The following GAREM2 variants were observed in gnomAD, a reference collection of about 807,000 sequenced individuals.
The protein encoded by GAREM2 is GRB2 associated regulator of MAPK1 subtype 2.
In GAREM2, 30 loss-of-function variants were observed where a neutral mutation model predicts 55.6. That is an observed-to-expected ratio of 0.54 (90% CI 0.40 to 0.73). The LOEUF is 0.73. Ranked by LOEUF, GAREM2 falls within the 30% of genes least tolerant of loss-of-function variation. The probability of loss-of-function intolerance (pLI) is 0.00; values close to 1 mark genes in which losing one functional copy is unlikely to be tolerated. For missense variants in GAREM2, 1,075 were observed against 1,257.7 expected, an observed-to-expected ratio of 0.85 and a Z score of 2.20; for synonymous variants, 550 against 569.1, an observed-to-expected ratio of 0.97 and a Z score of 0.48.
In GAREM2 at chr2:26,184,797, C is replaced by G; in HGVS notation, c.949C>G (p.Leu317Val). Reference sequence around the variant, plus strand: ...GGGCCCGGCGCCGCTGCACTTCCTGCTGCTCACGGACACGCCGCGCTTCGC... The same window carrying G: ...GGGCCCGGCGCCGCTGCACTTCCTGGTGCTCACGGACACGCCGCGCTTCGC... ...REGPAPLHFLLLTDTPRFALP... is the reference protein window; with the variant it reads ...REGPAPLHFLVLTDTPRFALP... Residue 317 changes from leucine (L) to valine (V), a missense_variant, in exon 4 of 6, where the codon CTG (leucine) becomes GTG (valine). Leu to Val is a conservative substitution (Grantham distance 32). This residue lies in a region of GAREM2 where 170 missense variants were observed against 220.7 expected (regional missense o/e 0.77). Transcript: ENST00000401533. 1 of 1,498,496 alleles carries G rather than the reference C, an allele frequency of 6.7e-7. No homozygotes were observed. Among genetic ancestry groups the G allele is most frequent in the Non-Finnish European group, 8.8e-7 (1 of 1,131,142 alleles). The allele number at this position is 1,498,496 out of a possible 1,614,324, so 92.8% of individuals were successfully genotyped here.
At chr2:26,190,439 A>T (rs1669457657), downstream of GAREM2, among the ~76,000 whole-genome samples, 2 of 151,800 alleles carry the variant, frequency 1.3e-5, no homozygotes, top group African/African-American at 2.4e-5. Context: ...GGGGGTCAGC[A>T]CTCCTCATGC....
rs1558308677 is a variant in GAREM2, at chr2:26,185,183, C to T, written c.1335C>T (p.Pro445=). ...GGCCCGAGGGCCTCGTCCGGCCGCC[C>T]CCAGGGCTCGATCTCATCTCCTTCG... ...HQGPEGLVRP[P]PGLDLISFGA... is the part of the protein sequence containing the mutation. Residue 445 remains proline (P), a synonymous_variant, in exon 4 of 6, where the codon CCC becomes CCT. Transcript: ENST00000401533. 2 of 1,511,070 alleles carry T rather than the reference C, an allele frequency of 1.3e-6. No individual in the cohort carries two copies. The allele number at this position is 1,511,070 out of a possible 1,614,324, so 93.6% of individuals were successfully genotyped here.
At position 26,187,297 on chromosome 2, in the gene GAREM2, C is replaced by T; in HGVS notation, c.1665C>T (p.Cys555=). Residue 555 remains cysteine (C), a synonymous_variant, in exon 6 of 6, where the codon TGC becomes TGT. Coordinates refer to ENST00000401533, the MANE Select transcript of GAREM2 (RefSeq NM_001168241.2). ...PDTYSLYCYP[C]TWGDCKVGES... ...CCTACTCCCTCTATTGCTACCCATG[C>T]ACCTGGGGAGACTGCAAGGTGGGCG... 2 of 1,506,490 alleles carry T rather than the reference C, an allele frequency of 1.3e-6. No individual in the cohort carries two copies. Among genetic ancestry groups the T allele is most frequent in the Non-Finnish European group, 8.9e-7 (1 of 1,124,714 alleles). The allele number at this position is 1,506,490 out of a possible 1,614,324, so 93.3% of individuals were successfully genotyped here.
chr2:26,191,417 C>A, downstream of GAREM2: 1 of 1,614,148 alleles, frequency 6.2e-7, no homozygotes, highest in Non-Finnish European at 8.5e-7. Context: ...AAGAGGACTT[C>A]GTTGAAGGAG....
the GAREM2 span, chr2:26,201,092 ATC>A: frequency 1.3e-5 from 18 of 1,337,108 alleles, no homozygotes; most frequent in South Asian, 1.4e-4. Context: ...TAAAAAAAAA[ATC>A]TCTGTGTTTT....
At chr2:26,194,755 G>T in the GAREM2 span, 2 of 769,396 alleles carry the variant, frequency 2.6e-6, no homozygotes, top group Non-Finnish European at 4.7e-6. Context: ...AACTTAAGGT[G>T]ACTTAAAATC....
intron 2 of GAREM2, 60 bp from the exon 3 acceptor site, chr2:26,182,907 C>A: frequency 6.5e-7 from 1 of 1,536,416 alleles, no homozygotes; most frequent in Non-Finnish European, 8.8e-7. Context: ...GCTCTTGGGA[C>A]GCAGGCTAGA....
intron 3 of GAREM2, 57 bp from the exon 4 acceptor site, chr2:26,184,176 C>A: frequency 2.6e-6 from 4 of 1,536,708 alleles, no homozygotes; most frequent in Non-Finnish European, 3.5e-6. Context: ...TGGGAGCTGG[C>A]CGTGTGGCTT....
the GAREM2 span, chr2:26,195,057 C>A: frequency 1.3e-6 from 2 of 1,588,662 alleles, no homozygotes; most frequent in African/African-American, 2.7e-5. Flanking sequence ...TAGAACTTTT[C>A]AAAAACTCTG....
rs1669079351 is a variant in GAREM2, at chr2:26,182,395, C to T, written c.254-572C>T. ...GAACAGAGCTGGGGTCAGAGTGGTT[C>T]TCCCAGGGCCTTCAAGGGCTGGGCC... On this transcript the variant is annotated intron_variant, in intron 2 of 5. Transcript: ENST00000401533. 3.2e-6 allele frequency: 5 copies of T among 1,547,344 alleles called. No homozygotes were observed. The African/African-American group carries it at 5.5e-5, about 17-fold the overall frequency.
downstream of GAREM2, chr2:26,193,544 T>G (rs766881788): frequency 8.5e-6 from 13 of 1,524,496 alleles, no homozygotes; most frequent in African/African-American, 1.6e-4. Flanking sequence ...TTGTAACTAA[T>G]GGTGCTAGTT....
the GAREM2 span, among the ~76,000 whole-genome samples, chr2:26,199,637 C>T: frequency 6.6e-6 from 1 of 152,194 alleles, no homozygotes; most frequent in Non-Finnish European, 1.5e-5. Flanking sequence ...TTTTTATCAA[C>T]ACAATGCAGC....
At chr2:26,192,219 T>TA (rs34898931), downstream of GAREM2, 39,074 of 637,152 alleles carry the variant, frequency 0.061, 395 homozygotes, top group African/African-American at 0.15. Flanking sequence ...CTTAAAGTAT[T>TA]AAAAAAAAAA....
chr2:26,189,331 G>C lies in GAREM2; in HGVS notation c.*1074G>C, dbSNP rs1262472259. 1.3e-5 allele frequency: 2 copies of C among 152,138 alleles called. No individual in the cohort carries two copies. The highest frequency in any genetic ancestry group is 4.8e-5 in the African/African-American group (2 of 41,416). The allele number at this position is 152,138 out of a possible 1,614,324, so 9.4% of individuals were successfully genotyped here. A position where few individuals can be genotyped will look rare whatever the true frequency, so the allele number is the denominator to read the frequency against. ...GATCTGCTTGGTACCCAGAGCTCTG[G>C]TCATTGTGTCCAACCACACACCCCA... On this transcript the variant is annotated 3_prime_UTR_variant, in exon 6 of 6. Transcript: ENST00000401533.
At chr2:26,173,714 C>CTT (rs1668773337) in intron 1 of GAREM2, among the ~76,000 whole-genome samples, 1 of 150,744 alleles carries the variant, frequency 6.6e-6, no homozygotes, top group Non-Finnish European at 1.5e-5. Flanking sequence ...TCACCTCTGT[C>CTT]TTCCCTCATC....
chr2:26,173,425 A>T (rs1574582397), intron 1 of GAREM2, 93 bp downstream of exon 1: 18 of 592,194 alleles, frequency 3.0e-5, no homozygotes, highest in Non-Finnish European at 4.1e-5. Context: ...AGGGTGCGGC[A>T]CCCGCACCCT....
intron 1 of GAREM2, 124 bp downstream of exon 1, chr2:26,173,456 C>A: frequency 2.1e-6 from 1 of 479,640 alleles, no homozygotes; most frequent in Non-Finnish European, 3.3e-6. Context: ...CGGCGTGGGC[C>A]CCGAGCGGTT....
downstream of GAREM2, among the ~76,000 whole-genome samples, chr2:26,192,656 G>C (rs1006223721): frequency 6.6e-6 from 1 of 152,048 alleles, no homozygotes; most frequent in African/African-American, 2.4e-5. Context: ...CGAAGCAGGA[G>C]GATCGCTTGA....
chr2:26,195,376 A>G, the GAREM2 span: 1 of 778,834 alleles, frequency 1.3e-6, no homozygotes. Context: ...GTTTGGTTCC[A>G]TGGGTCTTTG....
Sources: allele counts gnomAD v4.1 joint callset (sites outside exome capture counted in the v4.1 genomes callset), GRCh38; gene constraint gnomAD v4.1.1; regional missense constraint gnomAD v4.1.1; transcripts MANE v1.5; gene names NCBI Gene and HGNC (gene_info 2026-07-23, HGNC 2026-07-21).